FRMPD2: variants seen among roughly 807,000 people sequenced by gnomAD.
FRMPD2 encodes the protein FERM and PDZ domain-containing protein 2.
Under a neutral mutation model 140.1 loss-of-function variants are expected in FRMPD2, and 96 were observed. That is an observed-to-expected ratio of 0.69 (90% CI 0.58 to 0.81). FRMPD2 has a LOEUF of 0.81. Among genes scored for constraint, FRMPD2 ranks in the 40% least tolerant of loss-of-function variants. The pLI is 0.00. For synonymous variants in FRMPD2, 449 were observed against 547.6 expected (o/e 0.82, Z 2.52); for missense variants, 1,240 against 1,447.4 (o/e 0.86, Z 2.32).
chr10:48,211,955 C>T lies in FRMPD2; in HGVS notation c.1610G>A (p.Arg537Lys). 6.2e-7 allele frequency: 1 copy of T among 1,613,238 alleles called. No individual in the cohort carries two copies. The highest frequency in any genetic ancestry group is 1.1e-5 in the South Asian group (1 of 90,886). The change falls in exon 13 of 29, where the codon AGG becomes AAG. Residue 537 changes from arginine (R) to lysine (K), a missense_variant and splice_region_variant. Coordinates refer to ENST00000374201, the MANE Select transcript of FRMPD2 (RefSeq NM_001018071.4). Reference sequence around the variant, plus strand: ...CTCTCCAGGTCAGGAAGGCCTTACCCTCAAGAACTTCAGCTCAGCATCCTC... The same window carrying T: ...CTCTCCAGGTCAGGAAGGCCTTACCTTCAAGAACTTCAGCTCAGCATCCTC... The part of the protein sequence containing the change: ...WGEDAELKFL[R>K]VTQQLPEYGV...
At chr10:48,270,301 C>T (rs118101536) in intron 1 of FRMPD2, among the ~76,000 whole-genome samples, 1 of 152,088 alleles carries the variant, frequency 6.6e-6, no homozygotes, top group East Asian at 1.9e-4. Flanking sequence ...TCTCAGAGAC[C>T]TTACTTATGT....
At chr10:48,262,398 A>C (rs1210799912) in intron 1 of FRMPD2, among the ~76,000 whole-genome samples, 1 of 152,206 alleles carries the variant, frequency 6.6e-6, no homozygotes, top group Non-Finnish European at 1.5e-5. Context: ...CAGGAATACA[A>C]AGGGGTATTA....
intron 22 of FRMPD2, chr10:48,177,353 C>T (rs1427015353): frequency 6.0e-5 from 9 of 151,154 alleles, no homozygotes; most frequent in African/African-American, 1.9e-4. Context: ...CCTTGCGATC[C>T]ACCCGCCTCG....
chr10:48,253,552 A>G (rs1369583206), intron 1 of FRMPD2, among the ~76,000 whole-genome samples: 1 of 152,198 alleles, frequency 6.6e-6, no homozygotes, highest in Non-Finnish European at 1.5e-5. Context: ...CCCAATATCA[A>G]AATACTTGGA....
At chr10:48,268,655 G>A (rs951413425) in intron 1 of FRMPD2, among the ~76,000 whole-genome samples, 3 of 152,182 alleles carry the variant, frequency 2.0e-5, no homozygotes, top group Non-Finnish European at 4.4e-5. Context: ...AGTCTCAAAA[G>A]GTCACAGCTT....
At chr10:48,246,624 G>A (rs915305487) in intron 3 of FRMPD2, among the ~76,000 whole-genome samples, 5 of 152,188 alleles carry the variant, frequency 3.3e-5, no homozygotes, top group African/African-American at 9.7e-5. Context: ...CAAGTAGTTG[G>A]GGAAATATGT....
At chr10:48,207,284 T>A (rs1447330885) in intron 13 of FRMPD2, among the ~76,000 whole-genome samples, 1 of 152,182 alleles carries the variant, frequency 6.6e-6, no homozygotes, top group Non-Finnish European at 1.5e-5. Context: ...TTCTGGGACA[T>A]CTCAAGGTAA....
chr10:48,247,378 G>T (rs1840274458), intron 3 of FRMPD2, among the ~76,000 whole-genome samples: 1 of 152,354 alleles, frequency 6.6e-6, no homozygotes, highest in Admixed American at 6.5e-5. Flanking sequence ...GTTAAGTGCA[G>T]ACCCTTCACT....
In FRMPD2 at chr10:48,207,795, TC is replaced by T. The variant is rs139832973; in HGVS notation, c.1612-863del. ...GTATTGCTGAAATCTGGTATCCCAT[TC>T]CTACCCCCAACCAGAGAGCATAATG... On this transcript the variant is annotated intron_variant, in intron 13 of 28. Transcript: ENST00000374201. Among the ~76,000 whole-genome samples the T allele has an allele frequency of 5.7e-3, 866 of 152,172 alleles. 8 individuals are homozygous for T. The highest frequency in any genetic ancestry group is 0.02 in the African/African-American group (820 of 41,524).
At chr10:48,212,782 G>A (rs540780086) in intron 12 of FRMPD2, among the ~76,000 whole-genome samples, 2 of 152,270 alleles carry the variant, frequency 1.3e-5, no homozygotes, top group African/African-American at 4.8e-5. Flanking sequence ...CCCCCCAGGA[G>A]AGGGTGGCAG....
At chr10:48,248,927 G>A in intron 3 of FRMPD2, 94 bp downstream of exon 3, 1 of 1,197,942 alleles carries the variant, frequency 8.3e-7, no homozygotes, top group Non-Finnish European at 1.2e-6. Flanking sequence ...ACCAAGCTCT[G>A]CAAGGCTGAG....
chr10:48,190,948 C>T (rs373086419), intron 16 of FRMPD2, among the ~76,000 whole-genome samples: 1 of 152,286 alleles, frequency 6.6e-6, no homozygotes, highest in South Asian at 2.1e-4. Context: ...CAATGAAGTG[C>T]TATAAGGTAC....
chr10:48,227,597 G>A (rs778744774), intron 10 of FRMPD2, among the ~76,000 whole-genome samples: 17 of 152,124 alleles, frequency 1.1e-4, no homozygotes, highest in South Asian at 6.2e-4. Context: ...GAAGCCTCTC[G>A]TATCCATGGT....
chr10:48,217,758 T>C lies in FRMPD2; in HGVS notation c.1455+4555A>G, dbSNP rs557974162. 2.0e-5 allele frequency among the ~76,000 whole-genome samples: 3 copies of C among 152,204 alleles called. No homozygotes were observed. The South Asian group carries it at 6.2e-4, about 31-fold the overall frequency. On this transcript the variant is annotated intron_variant, in intron 12 of 28. Coordinates refer to ENST00000374201, the MANE Select transcript of FRMPD2 (RefSeq NM_001018071.4). ...CTGTTTTAACTGTTGGGCTTGTCCT[T>C]GCTCTTTAATCCAGTTCCAGAACCA...
chr10:48,195,381 T>C (rs1588821703), intron 15 of FRMPD2, among the ~76,000 whole-genome samples: 1 of 152,224 alleles, frequency 6.6e-6, no homozygotes, highest in East Asian at 1.9e-4. Context: ...TTGAGATAAT[T>C]CACAGAAGAA....
At chr10:48,185,277 G>A (rs1838652736) in intron 18 of FRMPD2, among the ~76,000 whole-genome samples, 1 of 152,154 alleles carries the variant, frequency 6.6e-6, no homozygotes, top group African/African-American at 2.4e-5. Flanking sequence ...CCCCATAGCT[G>A]ACTAGAGGAA....
intron 13 of FRMPD2, among the ~76,000 whole-genome samples, chr10:48,208,094 A>T (rs1254451438): frequency 4.6e-5 from 7 of 152,144 alleles, no homozygotes; most frequent in Admixed American, 3.3e-4. Flanking sequence ...TTATCATCAT[A>T]CAAATCAATA....
In FRMPD2 at chr10:48,232,249, C is replaced by A; in HGVS notation, c.1034G>T (p.Cys345Phe). The A allele has an allele frequency of 6.2e-7, 1 of 1,613,852 alleles. No homozygotes were observed. The highest frequency in any genetic ancestry group is 1.1e-5 in the South Asian group (1 of 91,026). ...GTGCTGCCCGTTCAGCAGGACCACA[C>A]AGAGGTCCCTGAGAGCCAAATAGGA... ...GKSYLALRDL[C>F]VVLLNGQHLE... The change falls in exon 10 of 29, where the codon TGT (cysteine) becomes TTT (phenylalanine). Residue 345 changes from cysteine (C) to phenylalanine (F), a missense_variant. Transcript: ENST00000374201.
At chr10:48,265,322 G>A (rs190307555) in intron 1 of FRMPD2, among the ~76,000 whole-genome samples, 67 of 152,086 alleles carry the variant, frequency 4.4e-4, no homozygotes, top group Admixed American at 2.4e-3. Flanking sequence ...ATTTTATTAC[G>A]ATGATGTCAA....
Sources: gnomAD v4.1 joint callset for allele counts (sites outside exome capture counted in the v4.1 genomes callset) on GRCh38, gnomAD v4.1.1 for gene constraint, MANE v1.5 for transcripts, NCBI Gene and HGNC (gene_info 2026-07-23, HGNC 2026-07-21) for gene names.